The following CCDC102B variants were observed in gnomAD, a reference collection of about 807,000 sequenced individuals.
CCDC102B encodes coiled-coil domain containing 102B.
Under a neutral mutation model 57.4 loss-of-function variants are expected in CCDC102B, and 75 were observed. The ratio of observed to expected loss-of-function variants is 1.31; its 90% CI spans 1.08 to 1.58. The LOEUF (loss-of-function observed/expected upper bound fraction) is 1.58, where lower values mean the gene tolerates loss of function less well. Among genes scored for constraint, CCDC102B ranks in the 40% most tolerant of loss-of-function variants. The probability of loss-of-function intolerance (pLI) is 0.00; values close to 1 mark genes in which losing one functional copy is unlikely to be tolerated. For synonymous variants in CCDC102B, 206 were observed against 201.9 expected, an observed-to-expected ratio of 1.02 and a Z score of -0.17; for missense variants, 636 against 582.6, an observed-to-expected ratio of 1.09 and a Z score of -0.94.
At chr18:68,810,723 G>A (rs1293956004) in intron 1 of CCDC102B, among the ~76,000 whole-genome samples, 2 of 116,102 alleles carry the variant, frequency 1.7e-5, no homozygotes, top group African/African-American at 6.4e-5. Flanking sequence ...TTAAGTTCTA[G>A]GATACATGGC....
Position 68,716,772 on chromosome 18 carries a change from A to C in CCDC102B, c.-67+178A>C, listed in dbSNP as rs2032026179. ...AACACAGTGAGACCCCATCTGTACA[A>C]AAAATTAAAAAATTAGCCAGATGTG... On this transcript the variant is annotated intron_variant, in intron 2 of 3. Transcript: ENST00000578970. 5.9e-5 allele frequency among the ~76,000 whole-genome samples: 9 copies of C among 151,824 alleles called. No homozygotes were observed. In the South Asian group the frequency reaches 1.9e-3, roughly 32 times the overall value.
chr18:68,748,349 T>G (rs1175605201), intron 2 of CCDC102B, among the ~76,000 whole-genome samples: 1 of 151,908 alleles, frequency 6.6e-6, no homozygotes, highest in Non-Finnish European at 1.5e-5. Context: ...AATTGAGGAT[T>G]TTCTCATTGT....
intron 2 of CCDC102B, among the ~76,000 whole-genome samples, chr18:68,781,192 CTG>C (rs762717532): frequency 1.3e-5 from 2 of 151,964 alleles, no homozygotes; most frequent in African/African-American, 4.8e-5. Context: ...ATTATGGAGA[CTG>C]TGAGTGGTAG....
intron 6 of CCDC102B, among the ~76,000 whole-genome samples, chr18:68,999,059 CAT>C (rs1599824187): frequency 1.4e-5 from 2 of 139,006 alleles, no homozygotes; most frequent in East Asian, 4.5e-4. Context: ...AAATAATGAA[CAT>C]TATTGAGAAT....
At chr18:68,858,301 T>C (rs903776044) in intron 4 of CCDC102B, among the ~76,000 whole-genome samples, 1 of 152,194 alleles carries the variant, frequency 6.6e-6, no homozygotes, top group Non-Finnish European at 1.5e-5. Context: ...TCAAATTGTC[T>C]TTTTTTCTCT....
chr18:69,054,087 GA>G lies in CCDC102B; in HGVS notation c.1495del (p.Arg499GlufsTer5), dbSNP rs2052773654. The G allele has an allele frequency of 3.7e-6, 6 of 1,606,730 alleles. No individual in the cohort carries two copies. The East Asian group carries it at 1.4e-4, about 36-fold the overall frequency. ...KLQRSLDEEK[E>X]RNENLETELR... Reference sequence around the variant, plus strand: ...CCAGAGGTCTCTGGATGAAGAGAAAGAAAGAAATGAAAACTTAGAGACTGAA... The same window carrying G: ...CCAGAGGTCTCTGGATGAAGAGAAAGAAGAAATGAAAACTTAGAGACTGAA... On this transcript the variant is annotated frameshift_variant, in exon 8 of 8. Coordinates refer to ENST00000360242, the MANE Select transcript of CCDC102B (RefSeq NM_024781.3). LOFTEE classifies it low-confidence loss of function (END_TRUNC).
chr18:68,850,005 G>C (rs1354607921), intron 4 of CCDC102B, among the ~76,000 whole-genome samples: 3 of 152,064 alleles, frequency 2.0e-5, no homozygotes, highest in Non-Finnish European at 2.9e-5. Flanking sequence ...GGCCAGGCTT[G>C]GGAGTAGCGT....
chr18:68,775,714 C>T (rs190205563), intron 2 of CCDC102B, among the ~76,000 whole-genome samples: 15 of 136,402 alleles, frequency 1.1e-4, no homozygotes, highest in African/African-American at 3.9e-4. Context: ...AGTGCAGTGG[C>T]GTGACCTCGG....
At chr18:68,780,110 T>C (rs2034956928) in intron 2 of CCDC102B, among the ~76,000 whole-genome samples, 1 of 152,160 alleles carries the variant, frequency 6.6e-6, no homozygotes, top group South Asian at 2.1e-4. Flanking sequence ...AAATGAATTA[T>C]ACAATACGTT....
At chr18:68,742,005 A>C (rs116539565) in intron 2 of CCDC102B, among the ~76,000 whole-genome samples, 2 of 152,202 alleles carry the variant, frequency 1.3e-5, no homozygotes, top group African/African-American at 4.8e-5. Flanking sequence ...TCAAACATCA[A>C]AAAATGGAGG....
intron 6 of CCDC102B, among the ~76,000 whole-genome samples, chr18:68,916,271 C>A (rs1362607146): frequency 4.6e-5 from 7 of 152,156 alleles, no homozygotes; most frequent in Admixed American, 1.3e-4. Flanking sequence ...GACCTAACAC[C>A]CAGTAGACTA....
intron 4 of CCDC102B, among the ~76,000 whole-genome samples, chr18:68,874,158 C>T (rs1291500016): frequency 7.6e-6 from 1 of 131,926 alleles, no homozygotes; most frequent in Non-Finnish European, 1.6e-5. Context: ...TCAGCCCAAG[C>T]AGTGTGTGTG....
intron 2 of CCDC102B, among the ~76,000 whole-genome samples, chr18:68,771,722 A>G (rs530797154): frequency 6.6e-6 from 1 of 152,326 alleles, no homozygotes; most frequent in East Asian, 1.9e-4. Context: ...TTCAACTGCA[A>G]TGTGACTGAG....
Position 69,053,969 on chromosome 18 carries a change from C to T in CCDC102B, c.1435-61C>T, listed in dbSNP as rs932396437. ...TATGATAAGATGTTATTTACTATAG[C>T]CACCATGATGTACTATAGAACACTT... On this transcript the variant is annotated intron_variant, in intron 7 of 7. Coordinates refer to ENST00000360242, the MANE Select transcript of CCDC102B (RefSeq NM_024781.3). 2.4e-6 allele frequency: 3 copies of T among 1,276,332 alleles called. No homozygotes were observed. In the East Asian group the frequency reaches 7.5e-5, roughly 32 times the overall value. The allele number at this position is 1,276,332 out of a possible 1,614,324, so 79.1% of individuals were successfully genotyped here.
At chr18:68,752,795 C>A (rs1180790084) in intron 2 of CCDC102B, among the ~76,000 whole-genome samples, 1 of 151,988 alleles carries the variant, frequency 6.6e-6, no homozygotes, top group Non-Finnish European at 1.5e-5. Context: ...TGTAAACAAT[C>A]TTATCTTTAG....
intron 6 of CCDC102B, among the ~76,000 whole-genome samples, chr18:68,966,870 C>A (rs746904491): frequency 4.6e-5 from 7 of 152,128 alleles, no homozygotes; most frequent in Non-Finnish European, 1.0e-4. Flanking sequence ...TTTACTGAAC[C>A]CTTCCCCAGC....
At chr18:68,794,471 T>TA (rs535830845), upstream of CCDC102B, among the ~76,000 whole-genome samples, 21 of 151,958 alleles carry the variant, frequency 1.4e-4, no homozygotes, top group East Asian at 3.7e-3. Flanking sequence ...CAAACAAAAA[T>TA]AAAAAATTGT....
At chr18:69,008,616 G>T (rs541958298) in intron 6 of CCDC102B, among the ~76,000 whole-genome samples, 120 of 152,254 alleles carry the variant, frequency 7.9e-4, no homozygotes, top group African/African-American at 2.8e-3. Flanking sequence ...TAGTTGATAG[G>T]CATGGGGGGC....
intron 2 of CCDC102B, among the ~76,000 whole-genome samples, chr18:68,774,723 G>T (rs1239964347): frequency 6.6e-6 from 1 of 151,980 alleles, no homozygotes; most frequent in African/African-American, 2.4e-5. Flanking sequence ...TTTAGAGATT[G>T]ATTTATTTTT....
Sources: allele counts gnomAD v4.1 joint callset (sites outside exome capture counted in the v4.1 genomes callset), GRCh38; gene constraint gnomAD v4.1.1; transcripts MANE v1.5; gene names NCBI Gene and HGNC (gene_info 2026-07-23, HGNC 2026-07-21).